The following PEAK1 variants were observed in gnomAD, a reference collection of about 807,000 sequenced individuals.
The protein encoded by PEAK1 is pseudopodium enriched atypical kinase 1.
In PEAK1, 54 loss-of-function variants were observed where a neutral mutation model predicts 124.7. The ratio of observed to expected loss-of-function variants is 0.43; its 90% confidence interval spans 0.35 to 0.54. The LOEUF is 0.54. PEAK1 is among the 20% of genes least tolerant of loss of function. PEAK1 has a pLI of 0.01. For synonymous variants in PEAK1, 719 were observed against 760.0 expected (o/e 0.95, Z 0.89); for missense variants, 2,046 against 2,134.5 (o/e 0.96, Z 0.82).
rs190430468 is a variant in PEAK1 at position 77,259,244 on chromosome 15, G to A, written c.-274-6718C>T. Among the ~76,000 whole-genome samples the A allele has an allele frequency of 4.6e-3, 698 of 152,014 alleles. 4 individuals carry two copies. Among genetic ancestry groups the A allele is most frequent in the Non-Finnish European group, 8.0e-3 (544 of 67,958 alleles). On this transcript the variant is annotated intron_variant, in intron 5 of 9. Transcript: ENST00000682557. ...CATATTTTAAATGACTAGATCAAATGGTTTATTTTAGTCCTTACACTCTGG... is the reference window on the plus strand; with the variant it reads ...CATATTTTAAATGACTAGATCAAATAGTTTATTTTAGTCCTTACACTCTGG...
At chr15:77,317,901 G>T (rs112790250) in intron 2 of PEAK1, among the ~76,000 whole-genome samples, 449 of 152,280 alleles carry the variant, frequency 2.9e-3, no homozygotes, top group Non-Finnish European at 5.3e-3. Context: ...AGGGAATCAT[G>T]TTGGGTGTAA....
intron 2 of PEAK1, among the ~76,000 whole-genome samples, chr15:77,297,955 G>A (rs2063575484): frequency 1.3e-5 from 2 of 148,934 alleles, no homozygotes; most frequent in Non-Finnish European, 1.5e-5. Context: ...CTACTCGGGA[G>A]GCTGAGGCAG....
intron 2 of PEAK1, chr15:77,352,242 T>A: frequency 3.0e-6 from 3 of 985,376 alleles, no homozygotes; most frequent in Non-Finnish European, 3.6e-6. Context: ...TATCCTTAGA[T>A]CAAGGCAGTA....
chr15:77,384,730 A>C (rs2069782064), intron 1 of PEAK1, among the ~76,000 whole-genome samples: 1 of 152,182 alleles, frequency 6.6e-6, no homozygotes, highest in South Asian at 2.1e-4. Flanking sequence ...ATGTGTGCCA[A>C]CTGCCTTCCC....
At chr15:77,198,965 G>A (rs1462902998) in intron 6 of PEAK1, among the ~76,000 whole-genome samples, 1 of 152,164 alleles carries the variant, frequency 6.6e-6, no homozygotes, top group Non-Finnish European at 1.5e-5. Flanking sequence ...GGGGGAAAAA[G>A]CCACCAAGGA....
At chr15:77,347,624 T>TA (rs1215025387) in intron 2 of PEAK1, 1 of 984,422 alleles carries the variant, frequency 1.0e-6, no homozygotes, top group Non-Finnish European at 1.2e-6. Flanking sequence ...CCAGAGACTT[T>TA]AAAAAAATTT....
At chr15:77,289,419 G>A (rs1401917036) in intron 2 of PEAK1, among the ~76,000 whole-genome samples, 6 of 152,182 alleles carry the variant, frequency 3.9e-5, no homozygotes, top group Non-Finnish European at 5.9e-5. Flanking sequence ...TAGAACATTA[G>A]GTTGCTCCAA....
At chr15:77,288,731 A>C (rs1021267140) in intron 2 of PEAK1, among the ~76,000 whole-genome samples, 13 of 152,028 alleles carry the variant, frequency 8.6e-5, no homozygotes, top group Non-Finnish European at 1.9e-4. Context: ...TCACGAAGTC[A>C]GGAGATCAAG....
chr15:77,404,317 TCCATGTTC>T, intron 1 of PEAK1: 1 of 985,430 alleles, frequency 1.0e-6, no homozygotes, highest in Non-Finnish European at 1.2e-6. Context: ...GGGGGGAAAT[TCCATGTTC>T]TAGGACTGTG....
chr15:77,263,844 T>C (rs528482479), intron 5 of PEAK1, among the ~76,000 whole-genome samples: 11 of 152,266 alleles, frequency 7.2e-5, no homozygotes, highest in Admixed American at 5.2e-4. Context: ...TGAACATCGA[T>C]GCAAAAATCC....
In PEAK1 at chr15:77,133,335, G is replaced by T. The variant is rs1472991330; in HGVS notation, c.3747C>A (p.Asn1249Lys). 1 of 1,614,250 alleles carries T rather than the reference G, an allele frequency of 6.2e-7. No individual in the cohort carries two copies. Among genetic ancestry groups the T allele is most frequent in the South Asian group, 1.1e-5 (1 of 91,088 alleles). Reference sequence around the variant, plus strand: ...GCCGGCTGGAGAGGGATTCCATGCTGTTGGAAAATCTATCCTTAATACTGA... The same window carrying T: ...GCCGGCTGGAGAGGGATTCCATGCTTTTGGAAAATCTATCCTTAATACTGA... Reference protein sequence around the residue: ...TTLSIKDRFSNSMESLSSRRG... With the variant: ...TTLSIKDRFSKSMESLSSRRG... Residue 1249 changes from asparagine (N) to lysine (K), a missense_variant, in exon 9 of 10, where the codon AAC becomes AAA. By Grantham distance (94) the Asn-to-Lys change is moderately conservative. Transcript: ENST00000682557. This position sits in a 1 kb window ranked among gnomAD's most constrained non-coding sequence, Gnocchi z 4.2.
intron 7 of PEAK1, among the ~76,000 whole-genome samples, chr15:77,166,286 A>C (rs1480316520): frequency 6.6e-6 from 1 of 152,228 alleles, no homozygotes; most frequent in African/African-American, 2.4e-5. Context: ...AAATATCTTC[A>C]AACAATAACA....
At chr15:77,400,812 A>G (rs1052247924) in intron 1 of PEAK1, among the ~76,000 whole-genome samples, 7 of 152,184 alleles carry the variant, frequency 4.6e-5, no homozygotes, top group African/African-American at 1.7e-4. Context: ...TTACCTCTGG[A>G]AGGTAAATAG....
chr15:77,244,158 T>C (rs114091762), intron 6 of PEAK1, among the ~76,000 whole-genome samples: 266 of 152,294 alleles, frequency 1.7e-3, no homozygotes, highest in African/African-American at 6.1e-3. Flanking sequence ...AGAGACTGTA[T>C]AGAATGGCTA....
chr15:77,127,984 CAGG>C (rs1485735634), intron 9 of PEAK1, among the ~76,000 whole-genome samples: 3 of 151,016 alleles, frequency 2.0e-5, no homozygotes, highest in Admixed American at 1.3e-4. Flanking sequence ...GGGGCTAAGG[CAGG>C]AGAATGACTT....
chr15:77,171,218 T>A (rs2056479384), intron 7 of PEAK1, among the ~76,000 whole-genome samples: 2 of 152,200 alleles, frequency 1.3e-5, no homozygotes, highest in Non-Finnish European at 2.9e-5. Context: ...CTCAAACTTT[T>A]TGGTCTCAGG....
At chr15:77,327,579 T>C (rs1240208299) in intron 2 of PEAK1, among the ~76,000 whole-genome samples, 5 of 152,118 alleles carry the variant, frequency 3.3e-5, no homozygotes, top group Non-Finnish European at 5.9e-5. Context: ...TGGAACATTA[T>C]ATCAACAATA....
At chr15:77,357,150 A>C (rs1484969227) in intron 2 of PEAK1, among the ~76,000 whole-genome samples, 1 of 152,248 alleles carries the variant, frequency 6.6e-6, no homozygotes, top group Non-Finnish European at 1.5e-5. Context: ...ACATGCCTGT[A>C]GTCCCAGTTA....
At chr15:77,349,604 G>T in intron 2 of PEAK1, 1 of 984,816 alleles carries the variant, frequency 1.0e-6, no homozygotes, top group South Asian at 4.7e-5. Context: ...GCTTGAGTAT[G>T]ATACTGAATC....
Sources: allele counts gnomAD v4.1 joint callset (sites outside exome capture counted in the v4.1 genomes callset), GRCh38; gene constraint gnomAD v4.1.1; non-coding constraint Gnocchi (gnomAD v3.1); transcripts MANE v1.5; gene names NCBI Gene and HGNC (gene_info 2026-07-23, HGNC 2026-07-21).